Variants in CST4 observed in about 807,000 individuals in gnomAD.
CST4 encodes cystatin-S.
CST4 carries 17 observed loss-of-function variants against 11.2 expected under a neutral mutation model. The ratio of observed to expected loss-of-function variants is 1.52; its 90% CI spans 1.04 to 2.27. CST4 has a LOEUF of 2.27. Ranked by LOEUF, CST4 falls within the 30% of genes most tolerant of loss-of-function variation. The pLI is 0.00. For synonymous variants in CST4, 93 were observed against 70.1 expected (o/e 1.33, Z -1.63); for missense variants, 251 against 180.2 (o/e 1.39, Z -2.25).
chr20:23,688,788 T>C lies in CST4; in HGVS notation c.182A>G (p.Asp61Gly), dbSNP rs748475283. The change falls in exon 1 of 3, where the codon GAT (aspartate) becomes GGT (glycine). Residue 61 changes from aspartate to glycine, a missense_variant. Coordinates refer to ENST00000217423, the MANE Select transcript of CST4 (RefSeq NM_001899.3). ...CTGCAGCGGGCGTCTGTAGTACTCA[T>C]CTTCGGTGGCCTTGTTGTACTCGCT... ...AISEYNKATEDEYYRRPLQVL... is the reference protein window; with the variant it reads ...AISEYNKATEGEYYRRPLQVL... 6.2e-7 allele frequency: 1 copy of C among 1,614,126 alleles called. No individual in the cohort carries two copies. Among genetic ancestry groups the C allele is most frequent in the Non-Finnish European group, 8.5e-7 (1 of 1,179,998 alleles).
chr20:23,688,855 G>C lies in CST4; in HGVS notation c.115C>G (p.Leu39Val). The change falls in exon 1 of 3, where the codon CTC becomes GTC. Residue 39 changes from leucine (L) to valine (V), a missense_variant. By Grantham distance (32) the Leu-to-Val change is conservative. Transcript: ENST00000217423. ...GCACGCTGTACCCACTCATCATTGA[G>C]GTCTGCATCATAGATGCCACCTGGG... ...IIPGGIYDAD[L>V]NDEWVQRALH... The C allele has an allele frequency of 6.2e-7, 1 of 1,614,150 alleles. No individual in the cohort carries two copies. The highest frequency in any genetic ancestry group is 8.5e-7 in the Non-Finnish European group (1 of 1,180,028).
At chr20:23,686,892 A>G (rs1981061773) in intron 2 of CST4, among the ~76,000 whole-genome samples, 196 bp downstream of exon 2, 1 of 152,004 alleles carries the variant, frequency 6.6e-6, no homozygotes. Context: ...GTGTGTACAC[A>G]CGTGCACCTT....
chr20:23,687,735 C>T (rs1162949359), intron 1 of CST4, among the ~76,000 whole-genome samples: 2 of 152,218 alleles, frequency 1.3e-5, no homozygotes, highest in African/African-American at 4.8e-5. Context: ...CTCTCCCAGA[C>T]ACTACGTGGC....
At chr20:23,687,418 G>A (rs1298467760) in intron 1 of CST4, among the ~76,000 whole-genome samples, 1 of 152,188 alleles carries the variant, frequency 6.6e-6, no homozygotes, top group Non-Finnish European at 1.5e-5. Flanking sequence ...CTGGGTAAGA[G>A]GATTCATTGA....
At chr20:23,688,333 G>T (rs928703506) in intron 1 of CST4, among the ~76,000 whole-genome samples, 4 of 152,234 alleles carry the variant, frequency 2.6e-5, no homozygotes, top group African/African-American at 9.6e-5. Flanking sequence ...AAGGAAGAAG[G>T]GCTCTGCAGA....
intron 1 of CST4, among the ~76,000 whole-genome samples, chr20:23,687,812 G>C (rs1347092230): frequency 6.6e-6 from 1 of 152,242 alleles, no homozygotes; most frequent in Non-Finnish European, 1.5e-5. Flanking sequence ...GATCCCTCGA[G>C]TATCAGTTTA....
intron 1 of CST4, among the ~76,000 whole-genome samples, chr20:23,687,809 C>T (rs977999848): frequency 3.9e-5 from 6 of 152,188 alleles, no homozygotes; most frequent in African/African-American, 1.4e-4. Flanking sequence ...TGAGATCCCT[C>T]GAGTATCAGT....
In CST4 at chr20:23,686,091, C is replaced by T. The variant is rs1486181165; in HGVS notation, c.343-114G>A. On this transcript the variant is annotated intron_variant, in intron 2 of 2. Transcript: ENST00000217423. Reference sequence around the variant, plus strand: ...GAGGATGGAGGTGAGACACTGCACCCTCACCCACCCCTGCTGAGTCCCAGA... The same window carrying T: ...GAGGATGGAGGTGAGACACTGCACCTTCACCCACCCCTGCTGAGTCCCAGA... 6.4e-5 allele frequency: 69 copies of T among 1,070,556 alleles called. No homozygotes were observed. In the South Asian group the frequency reaches 8.5e-4, roughly 13 times the overall value. The allele number at this position is 1,070,556 out of a possible 1,614,324, so 66.3% of individuals were successfully genotyped here. A position where few individuals can be genotyped will look rare whatever the true frequency, so the allele number is the denominator to read the frequency against.
In CST4 at chr20:23,687,102, G is replaced by T. The variant is rs1392606434; in HGVS notation, c.328C>A (p.Pro110Thr). The T allele has an allele frequency of 1.9e-6, 3 of 1,614,156 alleles. No homozygotes were observed. The highest frequency in any genetic ancestry group is 3.3e-5 in the Admixed American group (2 of 60,024). The part of the protein sequence containing the change: ...NLDTCAFHEQ[P>T]ELQKKQLCSF... ...CAGGAACGTACCTTCTGCAGTTCTG[G>T]CTGTTCATGGAAGGCACAGGTGTCC... Residue 110 changes from proline to threonine, a missense_variant, in exon 2 of 3, where the codon CCA (proline) becomes ACA (threonine). Transcript: ENST00000217423.
At chr20:23,688,236 C>A (rs1284823419) in intron 1 of CST4, among the ~76,000 whole-genome samples, 1 of 152,236 alleles carries the variant, frequency 6.6e-6, no homozygotes, top group Admixed American at 6.5e-5. Context: ...AGGGACTCAG[C>A]CATCCTGGCC....
rs144633965 is a variant in CST4, at chr20:23,688,792, C to T, written c.178G>A (p.Glu60Lys). ...FAISEYNKAT[E>K]DEYYRRPLQV... ...AGCGGGCGTCTGTAGTACTCATCTT[C>T]GGTGGCCTTGTTGTACTCGCTGATG... The change falls in exon 1 of 3, where the codon GAA (glutamate) becomes AAA (lysine). Residue 60 changes from glutamate to lysine, a missense_variant. Glu to Lys is a moderately conservative substitution (Grantham distance 56). Coordinates refer to ENST00000217423, the MANE Select transcript of CST4 (RefSeq NM_001899.3). 1.2e-5 allele frequency: 19 copies of T among 1,614,044 alleles called. No individual in the cohort carries two copies. In the African/African-American group the frequency reaches 1.2e-4, roughly 10 times the overall value.
At chr20:23,688,469 C>A (rs1351307764) in intron 1 of CST4, among the ~76,000 whole-genome samples, 1 of 152,216 alleles carries the variant, frequency 6.6e-6, no homozygotes, top group African/African-American at 2.4e-5. Flanking sequence ...TCCATCCACA[C>A]CTGCTGGACG....
At chr20:23,687,264 A>C in intron 1 of CST4, 63 bp from the exon 2 acceptor site, 2 of 1,548,928 alleles carry the variant, frequency 1.3e-6, no homozygotes, top group Non-Finnish European at 1.8e-6. Context: ...ACTCACAGGC[A>C]CTTCACTGTG....
At position 23,685,966 on chromosome 20, in the gene CST4, G is replaced by A. The variant is rs767234228; in HGVS notation, c.354C>T (p.Cys118=). The A allele has an allele frequency of 1.2e-5, 19 of 1,613,854 alleles. No individual in the cohort carries two copies. Among genetic ancestry groups the A allele is most frequent in the Admixed American group, 1.7e-5 (1 of 60,000 alleles). ...EQPELQKKQL[C]SFEIYEVPWE... ...AGGGAACTTCGTAGATCTCGAAAGA[G>A]CACAACTGTTTCTGTGAAAGGGAAG... Residue 118 remains cysteine, a synonymous_variant, in exon 3 of 3, where the codon TGC becomes TGT. Transcript: ENST00000217423.
Position 23,685,806 on chromosome 20 carries a change from G to T in CST4, c.*88C>A, listed in dbSNP as rs1981018416. The T allele has an allele frequency of 4.2e-6, 6 of 1,412,890 alleles. No individual in the cohort carries two copies. The highest frequency in any genetic ancestry group is 4.6e-5 in the East Asian group (2 of 43,200). 87.5% of individuals were successfully genotyped at this position (1,412,890 alleles called of 1,614,324 possible). A position where few individuals can be genotyped will look rare whatever the true frequency, so the allele number is the denominator to read the frequency against. On this transcript the variant is annotated 3_prime_UTR_variant, in exon 3 of 3. Coordinates refer to ENST00000217423, the MANE Select transcript of CST4 (RefSeq NM_001899.3). ...GCACAGGCACATGGGGAGGCCTCCC[G>T]CAGGGTGGGGGCCACCAGTCCAGGG...
intron 2 of CST4, 74 bp from the exon 3 acceptor site, chr20:23,686,051 C>G: frequency 6.6e-7 from 1 of 1,505,768 alleles, no homozygotes. Flanking sequence ...CATGAGATGT[C>G]ACAGCCTGGG....
rs779229200 is a variant in CST4, at chr20:23,688,918, C to G, written c.52G>C (p.Ala18Pro). ...TCCTCCTTGGAGCTCGAGGCCAGAG[C>G]CCCAGCCAGGGTAGCCATCAGGAGT... The part of the protein sequence containing the change: ...LLLLMATLAG[A>P]LASSSKEENR... Residue 18 changes from alanine to proline, a missense_variant, in exon 1 of 3, where the codon GCT becomes CCT. By Grantham distance (27) the Ala-to-Pro change is conservative. Transcript: ENST00000217423. The G allele has an allele frequency of 5.5e-5, 88 of 1,614,060 alleles. No individual in the cohort carries two copies. In the Admixed American group the frequency reaches 1.4e-3, roughly 26 times the overall value.
chr20:23,688,159 C>T (rs1568724564), intron 1 of CST4, among the ~76,000 whole-genome samples: 1 of 152,252 alleles, frequency 6.6e-6, no homozygotes, highest in Non-Finnish European at 1.5e-5. Context: ...GACTGCTGTC[C>T]TCATCTGGCT....
rs185379401 is a variant in CST4, at chr20:23,685,891, C to A, written c.*3G>T. On this transcript the variant is annotated 3_prime_UTR_variant, in exon 3 of 3. Transcript: ENST00000217423. ...GTCGGTGTGACTGGCCTGGCACAGACCCCTAGGCTTCTTGACACCTGGAAT... is the reference window on the plus strand; with the variant it reads ...GTCGGTGTGACTGGCCTGGCACAGAACCCTAGGCTTCTTGACACCTGGAAT... 3.2e-5 allele frequency: 52 copies of A among 1,613,814 alleles called. No individual in the cohort carries two copies. Among genetic ancestry groups the A allele is most frequent in the Non-Finnish European group, 4.2e-5 (50 of 1,179,822 alleles).
Sources: allele counts gnomAD v4.1 joint callset (sites outside exome capture counted in the v4.1 genomes callset), GRCh38; gene constraint gnomAD v4.1.1; transcripts MANE v1.5; gene names NCBI Gene and HGNC (gene_info 2026-07-23, HGNC 2026-07-21).